STK3: variants seen among roughly 807,000 people sequenced by gnomAD.
The protein encoded by STK3 is serine/threonine kinase 3.
A neutral mutation model predicts 58.0 loss-of-function variants in STK3; 41 were observed. The observed-to-expected ratio is 0.71, with a 90% CI of 0.55 to 0.92. The LOEUF (loss-of-function observed/expected upper bound fraction) is 0.92. STK3 is among the 40% of genes least tolerant of loss of function. The probability of loss-of-function intolerance (pLI) is 0.00; values close to 1 mark genes in which losing one functional copy is unlikely to be tolerated. For missense variants in STK3, 479 were observed against 602.7 expected (o/e 0.79, Z 2.15); for synonymous variants, 170 against 191.0 (o/e 0.89, Z 0.91).
rs900371897 is a variant in STK3, at chr8:98,429,708, C to T, written n.483+4419G>A. 7.9e-6 allele frequency: 3 copies of T among 378,328 alleles called. No homozygotes were observed. In the South Asian group the frequency reaches 1.7e-4, roughly 22 times the overall value. The allele number at this position is 378,328 out of a possible 1,614,324, so 23.4% of individuals were successfully genotyped here. On this transcript the variant is annotated intron_variant and non_coding_transcript_variant, in intron 3 of 3. Transcript: ENST00000517832. ...GAGTACACCCAGAATGCTAATTTTTCTGTCCATCGTGTACGCTATTCTAGT... is the reference window on the plus strand; with the variant it reads ...GAGTACACCCAGAATGCTAATTTTTTTGTCCATCGTGTACGCTATTCTAGT...
intron 4 of STK3, among the ~76,000 whole-genome samples, chr8:98,719,131 A>G (rs1254282657): frequency 1.3e-5 from 2 of 152,260 alleles, no homozygotes; most frequent in South Asian, 4.2e-4. Flanking sequence ...GTTTAGGGCC[A>G]CCATAATGGA....
At chr8:98,768,701 G>C (rs1008187522) in intron 2 of STK3, among the ~76,000 whole-genome samples, 4 of 152,232 alleles carry the variant, frequency 2.6e-5, no homozygotes, top group Non-Finnish European at 5.9e-5. Context: ...CACTACGAAA[G>C]AGAAGCTGCA....
rs142599960 is a variant in STK3 at position 98,685,446 on chromosome 8, T to C, written c.684+21021A>G. Among the ~76,000 whole-genome samples, 1,402 of 152,246 alleles carry C rather than the reference T, an allele frequency of 9.2e-3. 17 individuals carry two copies. The highest frequency in any genetic ancestry group is 0.032 in the African/African-American group (1,325 of 41,550). On this transcript the variant is annotated intron_variant, in intron 6 of 10. Transcript: ENST00000419617. ...CTTAATCTAGAGAAGTTGAGACCTG[T>C]TTATTCTCTTCACTTGTTCATGTCT... is the stretch of plus-strand genomic sequence containing the variant.
intron 1 of STK3, among the ~76,000 whole-genome samples, chr8:98,923,882 CAAT>C (rs1482310175): frequency 9.6e-5 from 14 of 146,508 alleles, no homozygotes; most frequent in Admixed American, 6.7e-4. Flanking sequence ...CGCGCGTTGA[CAAT>C]GATGGGAGAG....
At chr8:98,940,844 A>G (rs1172137622) in intron 1 of STK3, among the ~76,000 whole-genome samples, 2 of 152,174 alleles carry the variant, frequency 1.3e-5, no homozygotes, top group Non-Finnish European at 2.9e-5. Context: ...CCACCAGGAG[A>G]AAAGGCTCTG....
chr8:98,762,663 G>T (rs1219573876), intron 3 of STK3, among the ~76,000 whole-genome samples: 2 of 152,208 alleles, frequency 1.3e-5, no homozygotes, highest in Non-Finnish European at 2.9e-5. Flanking sequence ...ATAAGTGTGT[G>T]CCCTGATTCA....
At chr8:98,471,964 T>A (rs1173358903) in intron 10 of STK3, among the ~76,000 whole-genome samples, 1 of 152,232 alleles carries the variant, frequency 6.6e-6, no homozygotes, top group East Asian at 1.9e-4. Context: ...CAAGAAGTAT[T>A]CTTATATAGA....
chr8:98,424,118 T>C (rs1264349183), intron 3 of STK3, among the ~76,000 whole-genome samples: 2 of 152,234 alleles, frequency 1.3e-5, no homozygotes, highest in African/African-American at 2.4e-5. Context: ...GCACGATGAC[T>C]GGGAAATAAA....
At chr8:98,529,166 A>G (rs549231429) in intron 9 of STK3, among the ~76,000 whole-genome samples, 1 of 152,364 alleles carries the variant, frequency 6.6e-6, no homozygotes, top group African/African-American at 2.4e-5. Context: ...TTTGGTCAAA[A>G]GAAAGCATGT....
intron 2 of STK3, among the ~76,000 whole-genome samples, chr8:98,376,579 A>T (rs1817677683): frequency 6.6e-6 from 1 of 152,158 alleles, no homozygotes; most frequent in Non-Finnish European, 1.5e-5. Flanking sequence ...GTTCTGAGTT[A>T]ATTTTTGCTT....
intron 1 of STK3, among the ~76,000 whole-genome samples, chr8:98,380,377 G>A (rs189121158): frequency 5.9e-4 from 89 of 152,112 alleles, no homozygotes; most frequent in African/African-American, 1.9e-3. Flanking sequence ...GATAACCACC[G>A]ATAACACTTT....
chr8:98,398,274 T>C (rs1055982911), downstream of STK3, among the ~76,000 whole-genome samples: 1 of 152,094 alleles, frequency 6.6e-6, no homozygotes, highest in Non-Finnish European at 1.5e-5. Flanking sequence ...CTCCCATTCC[T>C]ACCCAAAGCT....
intron 3 of STK3, among the ~76,000 whole-genome samples, chr8:98,868,820 A>T (rs962726129): frequency 6.0e-5 from 9 of 150,168 alleles, no homozygotes; most frequent in South Asian, 2.1e-4. Context: ...AATAAAAAAT[A>T]AAAAAAAATA....
chr8:98,630,526 G>A (rs751761917), intron 6 of STK3, among the ~76,000 whole-genome samples: 1 of 151,974 alleles, frequency 6.6e-6, no homozygotes, highest in Non-Finnish European at 1.5e-5. Flanking sequence ...GCCTGAAGTT[G>A]CAGCTACTTG....
chr8:98,584,859 G>A (rs1241564471), intron 7 of STK3, among the ~76,000 whole-genome samples: 1 of 151,112 alleles, frequency 6.6e-6, no homozygotes, highest in Admixed American at 6.6e-5. Flanking sequence ...GTGATGATGA[G>A]CATTTTTTCA....
chr8:98,737,614 A>C (rs925664952), intron 4 of STK3, among the ~76,000 whole-genome samples: 1 of 152,270 alleles, frequency 6.6e-6, no homozygotes, highest in Non-Finnish European at 1.5e-5. Flanking sequence ...GCATTAGCCG[A>C]CTAGAAAATA....
At chr8:98,552,921 T>C (rs192170050) in intron 8 of STK3, among the ~76,000 whole-genome samples, 65 of 152,298 alleles carry the variant, frequency 4.3e-4, no homozygotes, top group Admixed American at 4.1e-3. Context: ...AATAAGATAG[T>C]TTAATTCCAT....
chr8:98,826,234 T>C (rs184102228), upstream of STK3, among the ~76,000 whole-genome samples: 129 of 152,340 alleles, frequency 8.5e-4, 2 homozygotes, highest in Admixed American at 7.8e-3. Context: ...GTGAATCCGT[T>C]TGAAGTATTA....
chr8:98,607,652 T>C (rs1816878703), intron 6 of STK3, among the ~76,000 whole-genome samples: 1 of 152,224 alleles, frequency 6.6e-6, no homozygotes, highest in South Asian at 2.1e-4. Context: ...TTATCTGTGA[T>C]TAAATTGCAT....
Sources: gnomAD v4.1 joint callset for allele counts (sites outside exome capture counted in the v4.1 genomes callset) on GRCh38, gnomAD v4.1.1 for gene constraint, MANE v1.5 for transcripts, NCBI Gene and HGNC (gene_info 2026-07-23, HGNC 2026-07-21) for gene names.